HGS: variants seen among roughly 807,000 people sequenced by gnomAD.
HGS encodes the protein human growth factor-regulated tyrosine kinase substrate.
A neutral mutation model predicts 109.7 loss-of-function variants in HGS; 63 were observed. The observed-to-expected ratio is 0.57, with a 90% CI of 0.47 to 0.71. The LOEUF (loss-of-function observed/expected upper bound fraction) is 0.71. Among genes scored for constraint, HGS ranks in the 30% least tolerant of loss-of-function variants. The pLI, the probability that HGS is intolerant of heterozygous loss-of-function variation, is 0.00. For missense variants in HGS, 995 were observed against 1,068.3 expected, an observed-to-expected ratio of 0.93 and a Z score of 0.96; for synonymous variants, 546 against 437.3, an observed-to-expected ratio of 1.25 and a Z score of -3.10.
Position 81,701,638 on chromosome 17 carries a change from C to G in HGS, c.*20C>G. 7 of 1,541,002 alleles carry G rather than the reference C, an allele frequency of 4.5e-6. No homozygotes were observed. The highest frequency in any genetic ancestry group is 6.1e-6 in the Non-Finnish European group (7 of 1,148,966). ...GACTGACCCAGGCCATGCTCACGTCCGGAGTAACACTACATACAGTTCACC... is the reference window on the plus strand; with the variant it reads ...GACTGACCCAGGCCATGCTCACGTCGGGAGTAACACTACATACAGTTCACC... On this transcript the variant is annotated 3_prime_UTR_variant, in exon 22 of 22. Coordinates refer to ENST00000329138, the MANE Select transcript of HGS (RefSeq NM_004712.5).
chr17:81,699,919 C>G (rs1279922156), intron 18 of HGS, among the ~76,000 whole-genome samples: 1 of 148,890 alleles, frequency 6.7e-6, no homozygotes, highest in Non-Finnish European at 1.5e-5. Flanking sequence ...CCTAAAAATA[C>G]AAAAACTTAG....
chr17:81,693,611 C>T lies in HGS; in HGVS notation c.741+30C>T, dbSNP rs780526813. On this transcript the variant is annotated intron_variant, in intron 9 of 21. Transcript: ENST00000329138. ...TCAGCCCCCTCCGTCCCGTGGGCAC[C>T]TCTTCCCCGGCGCCCCCCCTCACCC... 4.5e-6 allele frequency: 7 copies of T among 1,554,838 alleles called. No homozygotes were observed. In the South Asian group the frequency reaches 8.1e-5, roughly 18 times the overall value.
Position 81,701,789 on chromosome 17 carries a change from C to G in HGS, c.*171C>G, listed in dbSNP as rs950428236. On this transcript the variant is annotated 3_prime_UTR_variant, in exon 22 of 22. Coordinates refer to ENST00000329138, the MANE Select transcript of HGS (RefSeq NM_004712.5). Reference sequence around the variant, plus strand: ...CACCTCCCTTGTCCTCAGCCTACTGCAGTCCCTGAGTTAGTCTCTGCTTTC... The same window carrying G: ...CACCTCCCTTGTCCTCAGCCTACTGGAGTCCCTGAGTTAGTCTCTGCTTTC... 2.1e-6 allele frequency: 2 copies of G among 966,488 alleles called. No individual in the cohort carries two copies. Among genetic ancestry groups the G allele is most frequent in the African/African-American group, 3.3e-5 (2 of 59,962 alleles). The allele number at this position is 966,488 out of a possible 1,614,324, so 59.9% of individuals were successfully genotyped here.
chr17:81,696,160 ACCATGCCCTG>A, intron 15 of HGS, 161 bp downstream of exon 15: 1 of 819,440 alleles, frequency 1.2e-6, no homozygotes, highest in East Asian at 2.8e-5. Flanking sequence ...CTCAGTGATG[ACCATGCCCTG>A]CCCTGCCCTG....
chr17:81,684,216 C>T (rs973206263), intron 1 of HGS, 113 bp downstream of exon 1: 23 of 988,502 alleles, frequency 2.3e-5, no homozygotes, highest in East Asian at 3.4e-5. Flanking sequence ...CCCTGCCCGC[C>T]TCTCCCCGGC....
At position 81,696,345 on chromosome 17, in the gene HGS, A is replaced by G. The variant is rs533186831; in HGVS notation, c.1394-12A>G. ...CCGGAGTGGTCAGGGTTGCTCTGTC[A>G]TCTGCCCACAGTGTACTATGAGGGG... On this transcript the variant is annotated splice_polypyrimidine_tract_variant and intron_variant, in intron 15 of 21. Coordinates refer to ENST00000329138, the MANE Select transcript of HGS (RefSeq NM_004712.5). 1.9e-6 allele frequency: 3 copies of G among 1,558,446 alleles called. No individual in the cohort carries two copies. In the South Asian group the frequency reaches 3.6e-5, roughly 19 times the overall value.
At chr17:81,685,059 T>TA in intron 1 of HGS, 1 of 985,394 alleles carries the variant, frequency 1.0e-6, no homozygotes, top group Non-Finnish European at 1.2e-6. Flanking sequence ...AGTGATGTGG[T>TA]ATGATGACAG....
chr17:81,686,252 T>C, intron 2 of HGS, 60 bp from the exon 3 acceptor site: 1 of 1,399,994 alleles, frequency 7.1e-7, no homozygotes, highest in Non-Finnish European at 1.0e-6. Flanking sequence ...TTTCTCATCT[T>C]AGTTGCTGAG....
intron 18 of HGS, among the ~76,000 whole-genome samples, chr17:81,700,130 G>C (rs1456766922): frequency 6.6e-6 from 1 of 151,946 alleles, no homozygotes; most frequent in East Asian, 1.9e-4. Context: ...ACTTTGGGAG[G>C]CCGAGGCGGG....
intron 20 of HGS, 87 bp downstream of exon 20, chr17:81,700,901 T>C: frequency 6.4e-7 from 1 of 1,558,702 alleles, no homozygotes; most frequent in South Asian, 1.2e-5. Context: ...TGGCAGGCAC[T>C]GGGTGGGCTC....
Position 81,700,777 on chromosome 17 carries a change from A to G in HGS, c.2099A>G (p.Gln700Arg). The G allele has an allele frequency of 1.9e-6, 3 of 1,612,660 alleles. No individual in the cohort carries two copies. Among genetic ancestry groups the G allele is most frequent in the Non-Finnish European group, 2.5e-6 (3 of 1,179,860 alleles). Residue 700 changes from glutamine (Q) to arginine (R), a missense_variant, in exon 20 of 22, where the codon CAG (glutamine) becomes CGG (arginine). Gln to Arg is a conservative substitution (Grantham distance 43, BLOSUM62 1). Transcript: ENST00000329138. ...AGCACCATGGGCTACATGGGGAGCCAGTCAGTCTCCATGGGCTACCAGCCT... is the reference window on the plus strand; with the variant it reads ...AGCACCATGGGCTACATGGGGAGCCGGTCAGTCTCCATGGGCTACCAGCCT... ...QSSTMGYMGS[Q>R]SVSMGYQPYN...
rs562976889 is a variant in HGS, at chr17:81,701,786, C to G, written c.*168C>G. 39 of 971,494 alleles carry G rather than the reference C, an allele frequency of 4.0e-5. No individual in the cohort carries two copies. The highest frequency in any genetic ancestry group is 5.5e-5 in the Non-Finnish European group (38 of 691,996). The allele number at this position is 971,494 out of a possible 1,614,324, so 60.2% of individuals were successfully genotyped here. ...GCCCACCTCCCTTGTCCTCAGCCTACTGCAGTCCCTGAGTTAGTCTCTGCT... is the reference window on the plus strand; with the variant it reads ...GCCCACCTCCCTTGTCCTCAGCCTAGTGCAGTCCCTGAGTTAGTCTCTGCT... On this transcript the variant is annotated 3_prime_UTR_variant, in exon 22 of 22. Coordinates refer to ENST00000329138, the MANE Select transcript of HGS (RefSeq NM_004712.5).
chr17:81,694,018 G>C, intron 11 of HGS, 53 bp downstream of exon 11: 1 of 1,462,458 alleles, frequency 6.8e-7, no homozygotes, highest in Non-Finnish European at 9.3e-7. Flanking sequence ...TAGGGTTGAT[G>C]GGGGACGCGG....
At chr17:81,699,223 C>T (rs1391608559) in intron 18 of HGS, among the ~76,000 whole-genome samples, 1 of 152,210 alleles carries the variant, frequency 6.6e-6, no homozygotes, top group Non-Finnish European at 1.5e-5. Context: ...ACTGTGGAGA[C>T]GATGCCTCCT....
chr17:81,689,547 G>A (rs2037033009), intron 5 of HGS, among the ~76,000 whole-genome samples: 1 of 152,334 alleles, frequency 6.6e-6, no homozygotes. Flanking sequence ...GCTCACATCT[G>A]TGCGGGTTCT....
intron 3 of HGS, 49 bp downstream of exon 3, chr17:81,686,436 C>T (rs982088709): frequency 2.3e-6 from 3 of 1,308,534 alleles, no homozygotes; most frequent in South Asian, 2.4e-5. Context: ...CTACCCCCTA[C>T]TAGTCACGAC....
In HGS at chr17:81,700,496, C is replaced by G; in HGVS notation, c.1912C>G (p.Pro638Ala). 1 of 1,600,804 alleles carries G rather than the reference C, an allele frequency of 6.2e-7. No homozygotes were observed. Among genetic ancestry groups the G allele is most frequent in the Non-Finnish European group, 8.5e-7 (1 of 1,173,254 alleles). ...CAGCATGGTGAGTGCCTACATGTAC[C>G]CAGCAGGGGCCACTGGGGCGCAGGC... is the stretch of plus-strand genomic sequence containing the variant. ...DPSMVSAYMY[P>A]AGATGAQAAP... The change falls in exon 19 of 22, where the codon CCA becomes GCA. Residue 638 changes from proline (P) to alanine (A), a missense_variant. Physicochemically the swap from Pro to Ala is conservative, Grantham distance 27. Coordinates refer to ENST00000329138, the MANE Select transcript of HGS (RefSeq NM_004712.5).
rs1568221255 is a variant in HGS at position 81,701,681 on chromosome 17, A to G, written c.*63A>G. The stretch of plus-strand genomic sequence containing the variant: ...AGTTCACCTGAAACGCCTCGTCTCT[A>G]ACTGCCGTCGTCCTGCCTCCCTGTC... On this transcript the variant is annotated 3_prime_UTR_variant, in exon 22 of 22. Transcript: ENST00000329138. 6.6e-7 allele frequency: 1 copy of G among 1,506,130 alleles called. No individual in the cohort carries two copies. Among genetic ancestry groups the G allele is most frequent in the Non-Finnish European group, 8.9e-7 (1 of 1,123,794 alleles). 93.3% of individuals were successfully genotyped at this position (1,506,130 alleles called of 1,614,324 possible).
At chr17:81,690,074 G>T in intron 5 of HGS, 108 bp from the exon 6 acceptor site, 1 of 1,213,990 alleles carries the variant, frequency 8.2e-7, no homozygotes, top group Non-Finnish European at 1.2e-6. Flanking sequence ...ACCTTCACTT[G>T]GGTGCACGGT....
Sources: allele counts gnomAD v4.1 joint callset (sites outside exome capture counted in the v4.1 genomes callset), GRCh38; gene constraint gnomAD v4.1.1; transcripts MANE v1.5; gene names NCBI Gene and HGNC (gene_info 2026-07-23, HGNC 2026-07-21).